Variants in FHOD3 observed in about 807,000 individuals in gnomAD.
The protein encoded by FHOD3 is FH1/FH2 domain-containing protein 3.
In FHOD3, 90 loss-of-function variants were observed where a neutral mutation model predicts 173.0. The observed-to-expected ratio is 0.52, with a 90% CI of 0.44 to 0.62. FHOD3 has a LOEUF of 0.62. Among genes scored for constraint, FHOD3 ranks in the 20% least tolerant of loss-of-function variants. The pLI is 0.00. For synonymous variants in FHOD3, 828 were observed against 823.0 expected, an observed-to-expected ratio of 1.01 and a Z score of -0.10; for missense variants, 1,945 against 2,034.7, an observed-to-expected ratio of 0.96 and a Z score of 0.85.
At chr18:36,573,180 T>C (rs1210545214) in intron 5 of FHOD3, among the ~76,000 whole-genome samples, 8 of 151,696 alleles carry the variant, frequency 5.3e-5, no homozygotes, top group Admixed American at 4.6e-4. Flanking sequence ...ATTTTACTTT[T>C]CCATTACAGA....
chr18:36,343,791 T>C (rs1017398274), intron 1 of FHOD3, among the ~76,000 whole-genome samples: 5 of 152,230 alleles, frequency 3.3e-5, no homozygotes, highest in African/African-American at 9.6e-5. Context: ...CCCAGTCTCA[T>C]GTATTCCTTT....
At chr18:36,397,076 G>A (rs556875411) in intron 3 of FHOD3, among the ~76,000 whole-genome samples, 217 of 152,226 alleles carry the variant, frequency 1.4e-3, no homozygotes, top group African/African-American at 5.1e-3. Context: ...GGAATCCCTG[G>A]GGGCCAGTTT....
At chr18:36,732,483 C>G (rs1453122604) in intron 20 of FHOD3, among the ~76,000 whole-genome samples, 2 of 152,308 alleles carry the variant, frequency 1.3e-5, no homozygotes, top group African/African-American at 4.8e-5. Context: ...CCAAGCCAGG[C>G]AGCAAAGCCA....
At chr18:36,728,947 C>A (rs2041211576) in intron 19 of FHOD3, among the ~76,000 whole-genome samples, 1 of 152,208 alleles carries the variant, frequency 6.6e-6, no homozygotes, top group Non-Finnish European at 1.5e-5. Flanking sequence ...CCCCATCAAA[C>A]TTCCAGTCTC....
chr18:36,446,799 C>G (rs2051509578), intron 3 of FHOD3, among the ~76,000 whole-genome samples: 1 of 152,142 alleles, frequency 6.6e-6, no homozygotes, highest in South Asian at 2.1e-4. Flanking sequence ...ATGTACGCAT[C>G]TCTCTCCAGT....
intron 17 of FHOD3, among the ~76,000 whole-genome samples, chr18:36,707,766 G>A (rs2039963810): frequency 6.6e-6 from 1 of 152,172 alleles, no homozygotes; most frequent in African/African-American, 2.4e-5. Flanking sequence ...TCCACAGAGA[G>A]CTGCCCTGAT....
At chr18:36,699,152 G>C (rs540530366) in intron 17 of FHOD3, among the ~76,000 whole-genome samples, 1 of 152,304 alleles carries the variant, frequency 6.6e-6, no homozygotes, top group South Asian at 2.1e-4. Context: ...GAAGAAACGT[G>C]GGAGAGCTGT....
intron 3 of FHOD3, among the ~76,000 whole-genome samples, chr18:36,494,365 A>G (rs1262538503): frequency 6.6e-6 from 1 of 152,236 alleles, no homozygotes; most frequent in Admixed American, 6.5e-5. Flanking sequence ...AAAAGGCAAG[A>G]AACATGGCAA....
intron 1 of FHOD3, among the ~76,000 whole-genome samples, chr18:36,337,633 T>G (rs779278078): frequency 1.3e-5 from 2 of 152,156 alleles, no homozygotes; most frequent in Non-Finnish European, 2.9e-5. Context: ...CATGCTTGTG[T>G]TTTTTTCTTT....
chr18:36,673,357 T>C (rs1360891342), intron 14 of FHOD3, among the ~76,000 whole-genome samples: 10 of 152,252 alleles, frequency 6.6e-5, no homozygotes, highest in Admixed American at 6.5e-4. Context: ...TAAGAAGTTA[T>C]TCTCATGATC....
chr18:36,406,727 G>A (rs1229919483), intron 3 of FHOD3, among the ~76,000 whole-genome samples: 2 of 152,150 alleles, frequency 1.3e-5, no homozygotes, highest in African/African-American at 4.8e-5. Flanking sequence ...ATTCTGGCGG[G>A]CAGCTTGAGT....
chr18:36,671,788 G>A (rs1047086937), intron 14 of FHOD3, among the ~76,000 whole-genome samples: 24 of 152,196 alleles, frequency 1.6e-4, no homozygotes, highest in African/African-American at 5.5e-4. Context: ...TGTGGGGGAA[G>A]GAGGAGAAGC....
chr18:36,354,853 C>A (rs2145750489), intron 1 of FHOD3, among the ~76,000 whole-genome samples: 1 of 151,368 alleles, frequency 6.6e-6, no homozygotes, highest in Non-Finnish European at 1.5e-5. Flanking sequence ...AGTGTGCATG[C>A]CTATAATCCC....
intron 5 of FHOD3, among the ~76,000 whole-genome samples, chr18:36,514,383 T>C (rs1304399086): frequency 6.6e-6 from 1 of 152,186 alleles, no homozygotes; most frequent in African/African-American, 2.4e-5. Flanking sequence ...CGTCTGTGTG[T>C]CTAAAGAGAT....
chr18:36,713,979 T>C (rs2040312548), intron 18 of FHOD3, among the ~76,000 whole-genome samples: 1 of 152,158 alleles, frequency 6.6e-6, no homozygotes, highest in South Asian at 2.1e-4. Context: ...TAGAAAACTC[T>C]TCTCAAACAT....
intron 19 of FHOD3, among the ~76,000 whole-genome samples, chr18:36,723,468 A>C (rs1272304427): frequency 6.6e-6 from 1 of 152,128 alleles, no homozygotes; most frequent in Admixed American, 6.5e-5. Context: ...AAAATTCCAT[A>C]GTTGTCACAT....
At chr18:36,467,866 C>A (rs181315293) in intron 3 of FHOD3, among the ~76,000 whole-genome samples, 34 of 152,214 alleles carry the variant, frequency 2.2e-4, no homozygotes, top group Non-Finnish European at 4.9e-4. Flanking sequence ...TGGCTCCAGG[C>A]GTTCTGCGGG....
chr18:36,360,149 T>G (rs2046539257), intron 2 of FHOD3, among the ~76,000 whole-genome samples: 1 of 152,166 alleles, frequency 6.6e-6, no homozygotes, highest in Non-Finnish European at 1.5e-5. Context: ...ATGGAGAAGG[T>G]GGGCTTTTAG....
intron 23 of FHOD3, among the ~76,000 whole-genome samples, chr18:36,745,630 C>T (rs567312379): frequency 6.6e-5 from 10 of 152,242 alleles, no homozygotes; most frequent in African/African-American, 1.4e-4. Flanking sequence ...AGGCCCTGCT[C>T]GTTGCCTCTG....
Sources: allele counts gnomAD v4.1 joint callset (sites outside exome capture counted in the v4.1 genomes callset), GRCh38; gene constraint gnomAD v4.1.1; transcripts MANE v1.5; gene names NCBI Gene and HGNC (gene_info 2026-07-23, HGNC 2026-07-21).